PTPRR: variants seen among roughly 807,000 people sequenced by gnomAD.
The protein encoded by PTPRR is protein tyrosine phosphatase receptor type R.
In PTPRR, 38 loss-of-function variants were observed where a neutral mutation model predicts 77.2. The observed-to-expected ratio is 0.49, with a 90% CI of 0.38 to 0.65. The LOEUF (loss-of-function observed/expected upper bound fraction) is 0.65, where lower values mean the gene tolerates loss of function less well. PTPRR is among the 30% of genes least tolerant of loss of function. The pLI is 0.00. For missense variants in PTPRR, 744 were observed against 799.2 expected, an observed-to-expected ratio of 0.93 and a Z score of 0.83; for synonymous variants, 299 against 283.1, an observed-to-expected ratio of 1.06 and a Z score of -0.57.
intron 4 of PTPRR, among the ~76,000 whole-genome samples, chr12:70,757,231 G>T (rs987027517): frequency 6.6e-6 from 1 of 152,122 alleles, no homozygotes; most frequent in African/African-American, 2.4e-5. Context: ...TTTCATGAAG[G>T]TATCAGTTAG....
intron 2 of PTPRR, among the ~76,000 whole-genome samples, chr12:70,832,124 G>T (rs1892223852): frequency 6.6e-6 from 1 of 152,226 alleles, no homozygotes; most frequent in Non-Finnish European, 1.5e-5. Flanking sequence ...TTATGGCATA[G>T]TGTTCCTGTC....
chr12:70,745,742 T>C, intron 6 of PTPRR, 76 bp downstream of exon 6: 4 of 1,470,892 alleles, frequency 2.7e-6, no homozygotes, highest in Non-Finnish European at 3.7e-6. Flanking sequence ...CAATCATTAC[T>C]AGTTCTTTCT....
At chr12:70,658,865 T>A (rs1375052150) in intron 12 of PTPRR, among the ~76,000 whole-genome samples, 1 of 148,134 alleles carries the variant, frequency 6.8e-6, no homozygotes, top group East Asian at 2.0e-4. Flanking sequence ...AGGTTCAACG[T>A]TAGGGACTTT....
At chr12:70,724,741 T>C (rs985023746) in intron 6 of PTPRR, among the ~76,000 whole-genome samples, 1 of 152,106 alleles carries the variant, frequency 6.6e-6, no homozygotes, top group Non-Finnish European at 1.5e-5. Context: ...GCTGTTACTA[T>C]TATTAGCAGT....
Position 70,909,359 on chromosome 12 carries a change from C to A in PTPRR, c.58+10974G>T, listed in dbSNP as rs897217462. Among the ~76,000 whole-genome samples the A allele has an allele frequency of 7.2e-5, 11 of 152,172 alleles. 1 individual carries two copies. The highest frequency in any genetic ancestry group is 5.9e-4 in the Admixed American group (9 of 15,278). ...GACAGGATTTTCAAATTGGAGTATG[C>A]AAATTGTGCACAGGCATGAAGAATC... is the stretch of plus-strand genomic sequence containing the variant. On this transcript the variant is annotated intron_variant, in intron 1 of 13. Coordinates refer to ENST00000283228, the MANE Select transcript of PTPRR (RefSeq NM_002849.4).
intron 2 of PTPRR, among the ~76,000 whole-genome samples, chr12:70,854,314 C>T (rs1053386139): frequency 6.6e-6 from 1 of 152,190 alleles, no homozygotes; most frequent in African/African-American, 2.4e-5. Context: ...GCCAGCTGTT[C>T]CTGCCAATGT....
chr12:70,870,675 A>T (rs1892944118), intron 2 of PTPRR, among the ~76,000 whole-genome samples: 1 of 152,212 alleles, frequency 6.6e-6, no homozygotes, highest in Admixed American at 6.5e-5. Context: ...AACCATCCTA[A>T]GTCATCCTGA....
rs548622028 is a variant in PTPRR at position 70,676,576 on chromosome 12, TTTAA to T, written c.1497+7547_1497+7550del. On this transcript the variant is annotated intron_variant, in intron 10 of 13. Coordinates refer to ENST00000283228, the MANE Select transcript of PTPRR (RefSeq NM_002849.4). Reference sequence around the variant, plus strand: ...TTTGCTGAGAGTTTTTTAATTTTATTTTAATTGACACAGAATTGTACATATTCAT... The same window carrying T: ...TTTGCTGAGAGTTTTTTAATTTTATTTTGACACAGAATTGTACATATTCAT... Among the ~76,000 whole-genome samples, 24 of 152,206 alleles carry T rather than the reference TTTAA, an allele frequency of 1.6e-4. No individual in the cohort carries two copies. The South Asian group carries it at 3.5e-3, about 22-fold the overall frequency.
chr12:70,767,001 A>T (rs1890841126), intron 2 of PTPRR, among the ~76,000 whole-genome samples: 1 of 152,234 alleles, frequency 6.6e-6, no homozygotes, highest in South Asian at 2.1e-4. Context: ...CCCTAAAAGA[A>T]CTTCTGAAGG....
intron 1 of PTPRR, among the ~76,000 whole-genome samples, chr12:70,895,331 A>G (rs1592820635): frequency 6.6e-6 from 1 of 151,722 alleles, no homozygotes; most frequent in South Asian, 2.1e-4. Flanking sequence ...TTTATATATT[A>G]TCAATCACAC....
intron 8 of PTPRR, among the ~76,000 whole-genome samples, chr12:70,687,735 A>G (rs1218634105): frequency 6.6e-6 from 1 of 152,188 alleles, no homozygotes; most frequent in Non-Finnish European, 1.5e-5. Context: ...TCGAATCAGG[A>G]TATAACCTAA....
At chr12:70,836,515 A>T (rs1362512370) in intron 2 of PTPRR, among the ~76,000 whole-genome samples, 1 of 151,972 alleles carries the variant, frequency 6.6e-6, no homozygotes, top group Non-Finnish European at 1.5e-5. Context: ...CTAAAGTCCA[A>T]AACCTTAACA....
chr12:70,846,042 T>C (rs1892478498), intron 2 of PTPRR, among the ~76,000 whole-genome samples: 1 of 152,148 alleles, frequency 6.6e-6, no homozygotes, highest in South Asian at 2.1e-4. Flanking sequence ...AATAAATGGA[T>C]AGTTAAATAC....
chr12:70,762,194 T>C (rs1202518606), intron 3 of PTPRR, among the ~76,000 whole-genome samples: 2 of 152,172 alleles, frequency 1.3e-5, no homozygotes, highest in African/African-American at 2.4e-5. Context: ...GCATATCTTA[T>C]GTAGTGATGT....
chr12:70,788,277 T>G (rs1473960716), intron 2 of PTPRR, among the ~76,000 whole-genome samples: 1 of 152,188 alleles, frequency 6.6e-6, no homozygotes, highest in East Asian at 1.9e-4. Context: ...GGACCCTACA[T>G]GCAATTATAA....
intron 10 of PTPRR, among the ~76,000 whole-genome samples, chr12:70,682,824 A>G (rs558174110): frequency 3.5e-4 from 53 of 152,160 alleles, no homozygotes; most frequent in Non-Finnish European, 6.5e-4. Flanking sequence ...TTATAATGCC[A>G]CCTCAGGCTT....
chr12:70,910,547 G>A (rs1286566863), intron 1 of PTPRR, among the ~76,000 whole-genome samples: 1 of 152,130 alleles, frequency 6.6e-6, no homozygotes, highest in African/African-American at 2.4e-5. Flanking sequence ...GAAATTCAAT[G>A]CTTGTCTTGA....
intron 2 of PTPRR, among the ~76,000 whole-genome samples, chr12:70,813,419 T>C (rs1592771675): frequency 6.6e-6 from 1 of 152,158 alleles, no homozygotes; most frequent in East Asian, 1.9e-4. Context: ...AACTTAAACC[T>C]GTTAGAAATT....
rs1241974289 is a variant in PTPRR at position 70,728,981 on chromosome 12, A to G, written c.1007+16837T>C. Among the ~76,000 whole-genome samples, 4 of 152,178 alleles carry G rather than the reference A, an allele frequency of 2.6e-5. No individual in the cohort carries two copies. In the East Asian group the frequency reaches 7.7e-4, roughly 29 times the overall value. On this transcript the variant is annotated intron_variant, in intron 6 of 13. Coordinates refer to ENST00000283228, the MANE Select transcript of PTPRR (RefSeq NM_002849.4). ...AGGTTTGCAATCCATGAGTTGTTTC[A>G]GTTCTAGAACTCTGCTTCCAATAAG... is the stretch of plus-strand genomic sequence containing the variant.
Sources: allele counts gnomAD v4.1 joint callset (sites outside exome capture counted in the v4.1 genomes callset), GRCh38; gene constraint gnomAD v4.1.1; transcripts MANE v1.5; gene names NCBI Gene and HGNC (gene_info 2026-07-23, HGNC 2026-07-21).